CACNA2D1: variants seen among roughly 807,000 people sequenced by gnomAD.
The protein encoded by CACNA2D1 is calcium voltage-gated channel auxiliary subunit alpha2delta 1.
A neutral mutation model predicts 171.5 loss-of-function variants in CACNA2D1; 53 were observed. The observed-to-expected ratio is 0.31, with a 90% confidence interval of 0.25 to 0.39. The LOEUF (loss-of-function observed/expected upper bound fraction) is 0.39, where lower values mean the gene tolerates loss of function less well. Ranked by LOEUF, CACNA2D1 falls within the 10% of genes least tolerant of loss-of-function variation. CACNA2D1 has a pLI of 1.00. For synonymous variants in CACNA2D1, 442 were observed against 443.1 expected (o/e 1.00, Z 0.03); for missense variants, 903 against 1,299.8 (o/e 0.69, Z 4.69).
chr7:81,951,970 T>TTTGTTTTTTTTTTTTTTG (rs1554321662), intron 38 of CACNA2D1, among the ~76,000 whole-genome samples: 1 of 23,982 alleles, frequency 4.2e-5, no homozygotes, highest in African/African-American at 1.7e-4. Context: ...GTACAAAGTG[T>TTTGTTTTTTTTTTTTTTG]TTTTTTTTTT....
chr7:82,078,950 C>G (rs1328431279), intron 7 of CACNA2D1, among the ~76,000 whole-genome samples: 1 of 152,044 alleles, frequency 6.6e-6, no homozygotes, highest in Non-Finnish European at 1.5e-5. Flanking sequence ...AGGACAGACA[C>G]CAATGATTTT....
chr7:82,293,699 G>C (rs759326247), intron 3 of CACNA2D1, among the ~76,000 whole-genome samples: 10 of 152,292 alleles, frequency 6.6e-5, no homozygotes, highest in South Asian at 4.1e-4. Context: ...TCTGAGTCCA[G>C]AGCTTCTTGG....
chr7:82,400,182 C>T (rs921216841), intron 1 of CACNA2D1, among the ~76,000 whole-genome samples: 5 of 150,760 alleles, frequency 3.3e-5, no homozygotes, highest in Non-Finnish European at 5.9e-5. Flanking sequence ...CTTGGCGATG[C>T]GGGCTCTTTT....
rs918337336 is a variant in CACNA2D1 at position 82,424,351 on chromosome 7, G to A, written c.95+19014C>T. On this transcript the variant is annotated intron_variant, in intron 1 of 38. Transcript: ENST00000356860. Reference sequence around the variant, plus strand: ...AAGCAGTATTAAAAAGCACGTCATCGTTATTTTTTTCTTTGAAAAACAGAA... The same window carrying A: ...AAGCAGTATTAAAAAGCACGTCATCATTATTTTTTTCTTTGAAAAACAGAA... 4.6e-5 allele frequency among the ~76,000 whole-genome samples: 7 copies of A among 152,216 alleles called. No individual in the cohort carries two copies. In the South Asian group the frequency reaches 6.2e-4, roughly 14 times the overall value.
intron 10 of CACNA2D1, among the ~76,000 whole-genome samples, chr7:82,048,201 G>A (rs1255556061): frequency 3.3e-5 from 5 of 152,026 alleles, no homozygotes; most frequent in Non-Finnish European, 5.9e-5. Flanking sequence ...ATTTAACTCA[G>A]TTCCACTGAG....
chr7:82,051,001 A>T (rs750490472), intron 10 of CACNA2D1: 1 of 245,748 alleles, frequency 4.1e-6, no homozygotes, highest in Non-Finnish European at 8.1e-6. Flanking sequence ...GTCAAACCAG[A>T]TGTGAGCTTA....
At chr7:82,324,392 A>T (rs1816377757) in intron 3 of CACNA2D1, among the ~76,000 whole-genome samples, 3 of 21,672 alleles carry the variant, frequency 1.4e-4, no homozygotes, top group South Asian at 4.8e-3. Flanking sequence ...GAGTTGTTTT[A>T]AAAAAAAAAA....
intron 1 of CACNA2D1, 126 bp downstream of exon 1, chr7:82,443,239 T>A (rs1232500872): frequency 4.5e-6 from 4 of 893,522 alleles, no homozygotes; most frequent in Non-Finnish European, 6.4e-6. Flanking sequence ...CATCCGAGCC[T>A]GGCTCCCCGG....
chr7:82,397,767 T>C (rs79994606), intron 1 of CACNA2D1, among the ~76,000 whole-genome samples: 4 of 152,330 alleles, frequency 2.6e-5, no homozygotes, highest in East Asian at 3.9e-4. Flanking sequence ...TGCTCTGTGA[T>C]AGGCGCTGTT....
intron 3 of CACNA2D1, among the ~76,000 whole-genome samples, chr7:82,242,729 T>G (rs1804455307): frequency 6.6e-6 from 1 of 152,170 alleles, no homozygotes; most frequent in African/African-American, 2.4e-5. Flanking sequence ...ATAGAGTCAC[T>G]GCATTGATTT....
rs779137994 is a variant in CACNA2D1, at chr7:81,974,526, G to T, written c.1982C>A (p.Ser661Ter). The change falls in exon 25 of 39, where the codon TCG becomes TAG. Residue 661 changes from serine to a stop codon, truncating the protein, a stop_gained. Coordinates refer to ENST00000356860, the MANE Select transcript of CACNA2D1 (RefSeq NM_000722.4). LOFTEE classifies it high-confidence loss of function. ...TAAAAGAAATTCAGTGTTATTATCC[G>T]ATATTTTCAGGTCATTGCAGTAATC... ...PRDYCNDLKI[S>*]DNNTEFLLNF... 1.3e-6 allele frequency: 2 copies of T among 1,558,606 alleles called. No individual in the cohort carries two copies. The highest frequency in any genetic ancestry group is 1.8e-6 in the Non-Finnish European group (2 of 1,132,268).
intron 5 of CACNA2D1, among the ~76,000 whole-genome samples, chr7:82,122,804 T>C (rs1411528748): frequency 6.6e-6 from 1 of 152,236 alleles, no homozygotes; most frequent in East Asian, 1.9e-4. Flanking sequence ...GGAAATGTTT[T>C]AAATGAAGTC....
intron 1 of CACNA2D1, among the ~76,000 whole-genome samples, chr7:82,393,662 C>T (rs988493192): frequency 4.6e-5 from 7 of 152,096 alleles, no homozygotes; most frequent in Admixed American, 2.0e-4. Context: ...ACTAAGCTCT[C>T]GGGTGTGGCT....
rs761206313 is a variant in CACNA2D1 at position 82,136,710 on chromosome 7, AT to A, written c.355-35del. On this transcript the variant is annotated intron_variant, in intron 4 of 38. Transcript: ENST00000356860. ...AAAAAAGAACGCTTTATTGATTTTA[AT>A]AAAAACAATACTGTATCAAATACTG... 3 of 1,370,162 alleles carry A rather than the reference AT, an allele frequency of 2.2e-6. No individual in the cohort carries two copies. In the African/African-American group the frequency reaches 4.3e-5, roughly 20 times the overall value. The allele number at this position is 1,370,162 out of a possible 1,614,324, so 84.9% of individuals were successfully genotyped here.
At chr7:82,107,842 C>T (rs1309640843) in intron 6 of CACNA2D1, among the ~76,000 whole-genome samples, 18 of 152,080 alleles carry the variant, frequency 1.2e-4, no homozygotes, top group Non-Finnish European at 1.9e-4. Context: ...CCTCTGCCTC[C>T]CAAAGTGCGG....
chr7:82,045,130 T>A (rs77861281), intron 10 of CACNA2D1, among the ~76,000 whole-genome samples: 1 of 139,898 alleles, frequency 7.1e-6, no homozygotes, highest in Non-Finnish European at 1.6e-5. Context: ...TAGAAAAAAA[T>A]GCTTTCTAGG....
intron 12 of CACNA2D1, among the ~76,000 whole-genome samples, chr7:82,018,221 C>T (rs562172631): frequency 3.9e-5 from 6 of 152,090 alleles, no homozygotes; most frequent in East Asian, 1.9e-4. Context: ...ATTGAATAAA[C>T]GTTGGATTGG....
At chr7:82,129,879 A>G (rs1463620012) in intron 5 of CACNA2D1, among the ~76,000 whole-genome samples, 1 of 152,192 alleles carries the variant, frequency 6.6e-6, no homozygotes, top group African/African-American at 2.4e-5. Context: ...TGCTAATGAT[A>G]TAAAACATTT....
At chr7:82,436,008 T>C (rs1212310463) in intron 1 of CACNA2D1, among the ~76,000 whole-genome samples, 1 of 152,296 alleles carries the variant, frequency 6.6e-6, no homozygotes, top group South Asian at 2.1e-4. Context: ...ACTTTTTCCT[T>C]GGTCATGCTC....
Sources: gnomAD v4.1 joint callset for allele counts (sites outside exome capture counted in the v4.1 genomes callset) on GRCh38, gnomAD v4.1.1 for gene constraint, MANE v1.5 for transcripts, NCBI Gene and HGNC (gene_info 2026-07-23, HGNC 2026-07-21) for gene names.